The following FEZ2 variants were observed in gnomAD, a reference collection of about 807,000 sequenced individuals.
FEZ2 encodes fasciculation and elongation protein zeta 2, also known as fasciculation and elongation protein zeta-2.
Under a neutral mutation model 40.4 loss-of-function variants are expected in FEZ2, and 51 were observed. That is an observed-to-expected ratio of 1.26 (90% CI 1.01 to 1.59). The LOEUF is 1.59. Ranked by LOEUF, FEZ2 falls within the 40% of genes most tolerant of loss-of-function variation. FEZ2 has a pLI of 0.00. For missense variants in FEZ2, 640 were observed against 438.3 expected (o/e 1.46, Z -4.11); for synonymous variants, 242 against 172.0 (o/e 1.41, Z -3.18).
intron 2 of FEZ2, among the ~76,000 whole-genome samples, chr2:36,585,050 C>T (rs1417457427): frequency 6.6e-6 from 1 of 151,908 alleles, no homozygotes; most frequent in African/African-American, 2.4e-5. Flanking sequence ...AACACAGCAT[C>T]ATGAACTAAG....
chr2:36,595,879 G>C (rs143364905), intron 1 of FEZ2, among the ~76,000 whole-genome samples: 335 of 152,230 alleles, frequency 2.2e-3, no homozygotes, highest in Middle Eastern at 6.8e-3. Flanking sequence ...TTTAAGCAAA[G>C]GCTAAAATAA....
At chr2:36,575,213 T>A (rs188770011) in intron 5 of FEZ2, among the ~76,000 whole-genome samples, 12 of 152,314 alleles carry the variant, frequency 7.9e-5, no homozygotes, top group Admixed American at 7.8e-4. Flanking sequence ...CTGTTTTTTG[T>A]TTGAGACAAG....
chr2:36,576,660 G>A (rs1421041479), intron 5 of FEZ2, among the ~76,000 whole-genome samples: 2 of 152,232 alleles, frequency 1.3e-5, no homozygotes, highest in Admixed American at 1.3e-4. Context: ...GACACAAATT[G>A]TAAATCAGGC....
intron 4 of FEZ2, among the ~76,000 whole-genome samples, chr2:36,580,959 C>A (rs943081948): frequency 1.1e-4 from 17 of 152,232 alleles, no homozygotes; most frequent in Non-Finnish European, 2.2e-4. Context: ...CGAGACCAGC[C>A]TGGCCAACAT....
intron 5 of FEZ2, among the ~76,000 whole-genome samples, chr2:36,559,614 T>C (rs1458962297): frequency 7.9e-5 from 12 of 152,218 alleles, no homozygotes; most frequent in East Asian, 1.9e-4. Flanking sequence ...TGATGCCCAA[T>C]TGTATAATCG....
chr2:36,592,969 G>A (rs150798139), intron 1 of FEZ2, among the ~76,000 whole-genome samples: 1 of 152,210 alleles, frequency 6.6e-6, no homozygotes, highest in African/African-American at 2.4e-5. Context: ...TCTAATGCCA[G>A]TGAAGTAGAA....
In FEZ2 at chr2:36,552,337, A is replaced by C. The variant is rs988868137; in HGVS notation, c.*826T>G. The C allele has an allele frequency of 4.4e-5, 17 of 389,808 alleles. No individual in the cohort carries two copies. The highest frequency in any genetic ancestry group is 3.4e-4 in the African/African-American group (16 of 47,468). 24.1% of individuals were successfully genotyped at this position (389,808 alleles called of 1,614,324 possible). ...AAGTGCTCATGATATTGATGAATCC[A>C]TAAGTAGCTGTATCTAGAATTCATA... On this transcript the variant is annotated 3_prime_UTR_variant, in exon 8 of 8. Coordinates refer to ENST00000405912, the MANE Select transcript of FEZ2 (RefSeq NM_005102.3).
At chr2:36,585,915 G>A (rs896731803) in intron 2 of FEZ2, among the ~76,000 whole-genome samples, 1 of 152,198 alleles carries the variant, frequency 6.6e-6, no homozygotes, top group Non-Finnish European at 1.5e-5. Context: ...AAAATGGCAT[G>A]AGCATGTTAT....
chr2:36,558,087 G>C lies in FEZ2; in HGVS notation c.979+351C>G, dbSNP rs1185996199. On this transcript the variant is annotated intron_variant, in intron 6 of 7. Coordinates refer to ENST00000405912, the MANE Select transcript of FEZ2 (RefSeq NM_005102.3). Reference sequence around the variant, plus strand: ...CGTAAATCTTTCCTATTCAGTTACTGACAATCATAGATATATAAGATCCAT... The same window carrying C: ...CGTAAATCTTTCCTATTCAGTTACTCACAATCATAGATATATAAGATCCAT... 4.4e-5 allele frequency: 7 copies of C among 160,452 alleles called. No homozygotes were observed. The Admixed American group carries it at 4.5e-4, about 10-fold the overall frequency. The allele number at this position is 160,452 out of a possible 1,614,324, so 9.9% of individuals were successfully genotyped here.
chr2:36,598,121 G>A lies in FEZ2; in HGVS notation c.22C>T (p.Gln8Ter), dbSNP rs1486805071. The part of the protein sequence containing the change: MAADGDW[Q>*]DFYEFQEPAR... ...GGCTCCTGGAACTCATAGAAATCCT[G>A]CCAGTCCCCGTCCGCCGCCATCGCC... Residue 8 changes from glutamine to a stop codon, truncating the protein, a stop_gained, in exon 1 of 8, where the codon CAG becomes TAG. Coordinates refer to ENST00000405912, the MANE Select transcript of FEZ2 (RefSeq NM_005102.3). LOFTEE classifies it high-confidence loss of function. The A allele has an allele frequency of 3.4e-6, 5 of 1,480,986 alleles. No homozygotes were observed. Among genetic ancestry groups the A allele is most frequent in the South Asian group, 1.3e-5 (1 of 79,428 alleles). 91.7% of individuals were successfully genotyped at this position (1,480,986 alleles called of 1,614,324 possible). A position where few individuals can be genotyped will look rare whatever the true frequency, so the allele number is the denominator to read the frequency against.
intron 5 of FEZ2, chr2:36,558,749 T>C (rs1039735764): frequency 1.6e-5 from 5 of 309,316 alleles, no homozygotes; most frequent in Admixed American, 9.9e-5. Flanking sequence ...ACAACCACCT[T>C]TTTGCATTTC....
intron 4 of FEZ2, among the ~76,000 whole-genome samples, chr2:36,579,987 C>T (rs115498355): frequency 0.013 from 2,010 of 152,216 alleles, 13 homozygotes; most frequent in Non-Finnish European, 0.023. Context: ...GATCAGGACA[C>T]AGTAGGAAGA....
chr2:36,580,595 T>C (rs1573021216), intron 4 of FEZ2, among the ~76,000 whole-genome samples: 1 of 152,224 alleles, frequency 6.6e-6, no homozygotes, highest in East Asian at 1.9e-4. Flanking sequence ...GATCCATGGT[T>C]CCCAAAATTC....
At chr2:36,571,964 G>C (rs139225674) in intron 5 of FEZ2, among the ~76,000 whole-genome samples, 286 of 142,346 alleles carry the variant, frequency 2.0e-3, no homozygotes, top group African/African-American at 7.1e-3. Context: ...GCAGTGAGCC[G>C]AGATCGCGCC....
At chr2:36,559,379 G>T (rs1668034242) in intron 5 of FEZ2, 1 of 152,140 alleles carries the variant, frequency 6.6e-6, no homozygotes, top group South Asian at 2.1e-4. Flanking sequence ...TTTTTACCTG[G>T]AATCTCTTAG....
At chr2:36,581,597 G>T (rs1668750939) in intron 3 of FEZ2, 166 bp from the exon 4 acceptor site, 1 of 597,086 alleles carries the variant, frequency 1.7e-6, no homozygotes, top group Non-Finnish European at 3.0e-6. Flanking sequence ...TTTACTGTAG[G>T]AGTGAACATG....
rs147884089 is a variant in FEZ2 at position 36,595,201 on chromosome 2, T to G, written c.266+2676A>C. Among the ~76,000 whole-genome samples the G allele has an allele frequency of 2.2e-3, 338 of 152,234 alleles. 5 individuals carry two copies. The highest frequency in any genetic ancestry group is 8.0e-3 in the African/African-American group (333 of 41,528). ...AAGTGCCAAGGGTCGGGGAGGGCTTTGGGGTGATTCAAGCACATTACATTT... is the reference window on the plus strand; with the variant it reads ...AAGTGCCAAGGGTCGGGGAGGGCTTGGGGGTGATTCAAGCACATTACATTT... On this transcript the variant is annotated intron_variant, in intron 1 of 7. Coordinates refer to ENST00000405912, the MANE Select transcript of FEZ2 (RefSeq NM_005102.3).
rs1667842902 is a variant in FEZ2, at chr2:36,552,616, C to A, written c.*547G>T. The A allele has an allele frequency of 4.2e-6, 1 of 238,878 alleles. No homozygotes were observed. The highest frequency in any genetic ancestry group is 8.3e-6 in the Non-Finnish European group (1 of 120,556). The allele number at this position is 238,878 out of a possible 1,614,324, so 14.8% of individuals were successfully genotyped here. A position where few individuals can be genotyped will look rare whatever the true frequency, so the allele number is the denominator to read the frequency against. ...CAAAATCCATCACCACCAACAGTTT[C>A]AATGTTAGCACTAAGTATTAAACCA... On this transcript the variant is annotated 3_prime_UTR_variant, in exon 8 of 8. Transcript: ENST00000405912.
At chr2:36,581,703 G>A (rs1668755319) in intron 3 of FEZ2, 2 of 330,794 alleles carry the variant, frequency 6.0e-6, no homozygotes, top group South Asian at 5.0e-5. Context: ...AACATGTCTT[G>A]CAAAGTCTAG....
Sources: gnomAD v4.1 joint callset for allele counts (sites outside exome capture counted in the v4.1 genomes callset) on GRCh38, gnomAD v4.1.1 for gene constraint, MANE v1.5 for transcripts, NCBI Gene and HGNC (gene_info 2026-07-23, HGNC 2026-07-21) for gene names.